The following CSF2RA variants were observed in gnomAD, a reference collection of about 807,000 sequenced individuals.
CSF2RA encodes the protein granulocyte-macrophage colony-stimulating factor receptor subunit alpha.
Under a neutral mutation model 51.6 loss-of-function variants are expected in CSF2RA, and 42 were observed. That is an observed-to-expected ratio of 0.81 (90% CI 0.64 to 1.05). The LOEUF (loss-of-function observed/expected upper bound fraction) is 1.05, where lower values mean the gene tolerates loss of function less well. Among genes scored for constraint, CSF2RA ranks in the 50% least tolerant of loss-of-function variants. The pLI is 0.00. For synonymous variants in CSF2RA, 222 were observed against 193.0 expected (o/e 1.15, Z -1.24); for missense variants, 530 against 501.1 (o/e 1.06, Z -0.55).
chrX:1,324,096 G>A, the CSF2RA span, among the ~76,000 whole-genome samples: 1 of 151,894 alleles, frequency 6.6e-6, no homozygotes, highest in Non-Finnish European at 1.5e-5. Flanking sequence ...GAGGTGGGAG[G>A]ATCACTTGAG....
Position 1,279,598 on chromosome X carries a change from C to T in CSF2RA, c.-26-3080C>T, listed in dbSNP as rs140329885. Among the ~76,000 whole-genome samples, 372 of 151,858 alleles carry T rather than the reference C, an allele frequency of 2.4e-3. 1 individual carries two copies. Among genetic ancestry groups the T allele is most frequent in the African/African-American group, 8.1e-3 (334 of 41,422 alleles). ...AACACCTGCAAGACCCAGAAGCAGG[C>T]TCCAAGAAGCGGGGTGCCACAGTCC... On this transcript the variant is annotated intron_variant, in intron 2 of 12. Coordinates refer to ENST00000381529, the MANE Select transcript of CSF2RA (RefSeq NM_172245.4).
At chrX:1,300,860 T>A (rs1263702976) in intron 10 of CSF2RA, among the ~76,000 whole-genome samples, 1 of 151,916 alleles carries the variant, frequency 6.6e-6, no homozygotes, top group Non-Finnish European at 1.5e-5. Context: ...GCTCCCTTAA[T>A]AACCAGAGAA....
chrX:1,294,320 C>T lies in CSF2RA; in HGVS notation c.647-8C>T, dbSNP rs753916767. ...GGTTCAGGGGTGTGTCCTGCGCCCT[C>T]GTTACAGAACGATTCAACCCTCCCA... On this transcript the variant is annotated splice_polypyrimidine_tract_variant and splice_region_variant and intron_variant, in intron 7 of 12. Transcript: ENST00000381529. 1.7e-5 allele frequency: 27 copies of T among 1,613,016 alleles called. No individual in the cohort carries two copies. Among genetic ancestry groups the T allele is most frequent in the South Asian group, 1.6e-4 (15 of 91,010 alleles).
At chrX:1,270,572 C>T (rs2088247629) in intron 1 of CSF2RA, among the ~76,000 whole-genome samples, 1 of 152,010 alleles carries the variant, frequency 6.6e-6, no homozygotes. Context: ...AACGGATTCT[C>T]ACACTATGAA....
chrX:1,322,784 A>C, the CSF2RA span, among the ~76,000 whole-genome samples: 3 of 152,050 alleles, frequency 2.0e-5, no homozygotes, highest in African/African-American at 7.2e-5. Flanking sequence ...CGTTAACCTC[A>C]GAATGGGACA....
chrX:1,315,809 A>AGATAGATAGAT, the CSF2RA span, among the ~76,000 whole-genome samples: 2 of 78,724 alleles, frequency 2.5e-5, no homozygotes, highest in African/African-American at 7.7e-5. Flanking sequence ...ATAGATAGAT[A>AGATAGATAGAT]GATAGATAGA....
chrX:1,296,384 C>A (rs1264454003), intron 9 of CSF2RA, among the ~76,000 whole-genome samples: 1 of 80,126 alleles, frequency 1.2e-5, no homozygotes, highest in Admixed American at 1.0e-4. Flanking sequence ...CCCGTACAGT[C>A]TCCTACCCAT....
chrX:1,307,523 T>C (rs66504880), intron 12 of CSF2RA, among the ~76,000 whole-genome samples: 1,935 of 28,924 alleles, frequency 0.067, 44 homozygotes, highest in Middle Eastern at 0.11. Context: ...TTTAGACCTT[T>C]GACTGATTAG....
the CSF2RA span, among the ~76,000 whole-genome samples, chrX:1,320,443 C>G: frequency 6.6e-6 from 1 of 151,000 alleles, no homozygotes; most frequent in Non-Finnish European, 1.5e-5. Flanking sequence ...AAGTTTCTTT[C>G]TAGATCTGTT....
intron 6 of CSF2RA, among the ~76,000 whole-genome samples, chrX:1,289,631 TTTTGTTTTGTGTTTG>T (rs2091147126): frequency 6.6e-6 from 1 of 151,930 alleles, no homozygotes; most frequent in South Asian, 2.1e-4. Context: ...TTGTTTTGTG[TTTTGTTTTGTGTTTG>T]TTTTTGTTTT....
At chrX:1,287,255 G>A (rs1368463465) in intron 4 of CSF2RA, 1 of 149,984 alleles carries the variant, frequency 6.7e-6, no homozygotes, top group East Asian at 2.0e-4. Flanking sequence ...CTGGGTTCAA[G>A]CGATTCTCCT....
At chrX:1,280,030 TC>T (rs1180330965) in intron 2 of CSF2RA, among the ~76,000 whole-genome samples, 15 of 151,982 alleles carry the variant, frequency 9.9e-5, no homozygotes, top group Non-Finnish European at 1.8e-4. Flanking sequence ...CCTCAGGCGA[TC>T]CGCCTGCCTT....
At chrX:1,295,555 C>CCCTGGAGTAAT (rs2091859435) in intron 9 of CSF2RA, 99 bp downstream of exon 9, 1 of 869,238 alleles carries the variant, frequency 1.2e-6, no homozygotes, top group African/African-American at 1.7e-5. Context: ...TACTCATGAC[C>CCCTGGAGTAAT]CCTACAGTCC....
chrX:1,307,584 C>T lies in CSF2RA; in HGVS notation c.1126-1818C>T, dbSNP rs1381527417. 2.6e-3 allele frequency among the ~76,000 whole-genome samples: 399 copies of T among 151,624 alleles called. 1 individual carries two copies. Among genetic ancestry groups the T allele is most frequent in the African/African-American group, 9.4e-3 (384 of 40,960 alleles). ...CCTTCAACTGATTAGATGAGGCCCA[C>T]CCTTCCCCCTTCAGCCTTTCGACTG... On this transcript the variant is annotated intron_variant, in intron 12 of 12. Transcript: ENST00000381529.
At chrX:1,294,878 G>T (rs1476196808) in intron 8 of CSF2RA, among the ~76,000 whole-genome samples, 2 of 152,082 alleles carry the variant, frequency 1.3e-5, no homozygotes, top group Non-Finnish European at 2.9e-5. Flanking sequence ...GACAGGAGGA[G>T]ACCCTGCTCC....
chrX:1,313,652 C>T (rs1389617903), downstream of CSF2RA, among the ~76,000 whole-genome samples: 1 of 151,248 alleles, frequency 6.6e-6, no homozygotes, highest in African/African-American at 2.4e-5. Context: ...GCGGAGGTTG[C>T]AGTGAGCCAA....
chrX:1,299,793 C>G (rs1379776255), intron 9 of CSF2RA, among the ~76,000 whole-genome samples: 3 of 152,108 alleles, frequency 2.0e-5, no homozygotes, highest in African/African-American at 7.2e-5. Flanking sequence ...TGGCGGGCGC[C>G]TGTAATCCCA....
In CSF2RA at chrX:1,305,849, G is replaced by A. The variant is rs1361451502; in HGVS notation, c.1125+322G>A. 35 of 1,473,726 alleles carry A rather than the reference G, an allele frequency of 2.4e-5. 1 individual carries two copies. In the South Asian group the frequency reaches 3.9e-4, roughly 16 times the overall value. The allele number at this position is 1,473,726 out of a possible 1,614,324, so 91.3% of individuals were successfully genotyped here. A position where few individuals can be genotyped will look rare whatever the true frequency, so the allele number is the denominator to read the frequency against. ...TCATCCCAGCACTTTGGGAGGTTGA[G>A]GCATGTGGATCATCTGAGGTCAGAG... On this transcript the variant is annotated intron_variant, in intron 12 of 12. Transcript: ENST00000381529.
At chrX:1,280,910 T>TCCTCCTCCTCCTCCTC (rs2089870489) in intron 2 of CSF2RA, among the ~76,000 whole-genome samples, 4 of 33,184 alleles carry the variant, frequency 1.2e-4, no homozygotes, top group Non-Finnish European at 1.7e-4. Flanking sequence ...TCCTGCTCCT[T>TCCTCCTCCTCCTCCTC]CTCCTCCTCC....
Sources: allele counts gnomAD v4.1 joint callset (sites outside exome capture counted in the v4.1 genomes callset), GRCh38; gene constraint gnomAD v4.1.1; transcripts MANE v1.5; gene names NCBI Gene and HGNC (gene_info 2026-07-23, HGNC 2026-07-21).